Variants in CUX1 observed in about 807,000 individuals in gnomAD.
CUX1 encodes the protein cut like homeobox 1.
A neutral mutation model predicts 158.8 loss-of-function variants in CUX1; 31 were observed. The observed-to-expected ratio is 0.20, with a 90% CI of 0.15 to 0.26. The LOEUF (loss-of-function observed/expected upper bound fraction) is 0.26, where lower values mean the gene tolerates loss of function less well. Ranked by LOEUF, CUX1 falls within the 10% of genes least tolerant of loss-of-function variation. CUX1 has a pLI of 1.00. For synonymous variants in CUX1, 879 were observed against 862.1 expected (o/e 1.02, Z -0.34); for missense variants, 1,589 against 2,014.6 (o/e 0.79, Z 4.04).
intron 2 of CUX1, among the ~76,000 whole-genome samples, chr7:102,007,640 G>A (rs187002242): frequency 2.7e-4 from 41 of 151,282 alleles, no homozygotes; most frequent in African/African-American, 9.0e-4. Flanking sequence ...TCCTGTTCCC[G>A]TCAGTCTGCT....
chr7:102,074,962 G>A (rs1202787744), intron 4 of CUX1, among the ~76,000 whole-genome samples: 4 of 152,304 alleles, frequency 2.6e-5, no homozygotes, highest in South Asian at 2.1e-4. Flanking sequence ...GGGTTCAAGC[G>A]ATTCTCGTGC....
At position 102,248,402 on chromosome 7, in the gene CUX1, TGTC is replaced by T. The variant is rs1563485854; in HGVS notation, c.3888-9_3888-7del. 6.3e-7 allele frequency: 1 copy of T among 1,585,902 alleles called. No homozygotes were observed. The highest frequency in any genetic ancestry group is 1.7e-5 in the Admixed American group (1 of 58,434). ...CCCCCCTCACGTCCCCGCCGCTTGT[TGTC>T]TTGTAGGTCTCGGATCCGCAGAGAA... On this transcript the variant is annotated splice_region_variant and splice_polypyrimidine_tract_variant and intron_variant, in intron 23 of 23. Coordinates refer to ENST00000292535, the MANE Select transcript of CUX1 (RefSeq NM_181552.4). This position sits in a 1 kb window ranked among gnomAD's most constrained non-coding sequence, Gnocchi z 5.8.
chr7:101,837,473 C>T (rs1371516636), intron 1 of CUX1, among the ~76,000 whole-genome samples: 1 of 152,076 alleles, frequency 6.6e-6, no homozygotes, highest in African/African-American at 2.4e-5. Context: ...TCAATTTCAA[C>T]TCAGTTCACT....
intron 8 of CUX1, among the ~76,000 whole-genome samples, chr7:102,149,940 T>C (rs1247670096): frequency 2.0e-5 from 3 of 152,154 alleles, no homozygotes; most frequent in Admixed American, 1.3e-4. Flanking sequence ...TCACCTGCAG[T>C]GTAGGTTGTG....
chr7:101,905,992 T>A (rs1462086256), intron 1 of CUX1, among the ~76,000 whole-genome samples: 1 of 149,860 alleles, frequency 6.7e-6, no homozygotes, highest in South Asian at 2.1e-4. Context: ...CCAGCTAACT[T>A]TTTTTTTTTT....
At chr7:102,141,933 G>T (rs544661587) in intron 8 of CUX1, among the ~76,000 whole-genome samples, 3 of 151,592 alleles carry the variant, frequency 2.0e-5, no homozygotes, top group African/African-American at 7.3e-5. Flanking sequence ...GAGCCACCAT[G>T]CCTGGTCCCA....
intron 20 of CUX1, among the ~76,000 whole-genome samples, chr7:102,222,491 G>A (rs1311076378): frequency 2.0e-5 from 3 of 152,030 alleles, no homozygotes; most frequent in Non-Finnish European, 4.4e-5. Context: ...CCACCCCAGG[G>A]ACCATTGGGA....
chr7:102,063,059 G>T (rs148340149), intron 3 of CUX1, among the ~76,000 whole-genome samples: 2 of 151,838 alleles, frequency 1.3e-5, no homozygotes, highest in Admixed American at 6.6e-5. Context: ...AGCCAAGATC[G>T]CACCATTGCA....
intron 2 of CUX1, among the ~76,000 whole-genome samples, chr7:101,988,752 G>A (rs571215759): frequency 3.9e-5 from 6 of 152,204 alleles, no homozygotes; most frequent in African/African-American, 1.4e-4. Context: ...TGTTATCTCA[G>A]CACTTTGGGA....
chr7:102,001,661 T>C (rs1459371089), intron 2 of CUX1, among the ~76,000 whole-genome samples: 1 of 152,188 alleles, frequency 6.6e-6, no homozygotes, highest in Non-Finnish European at 1.5e-5. Context: ...GTGTTTTTAA[T>C]GCTGTATTGC....
rs1317762153 is a variant in CUX1 at position 102,252,376 on chromosome 7, G to A, written c.*3334G>A. On this transcript the variant is annotated 3_prime_UTR_variant, in exon 24 of 24. Coordinates refer to ENST00000292535, the MANE Select transcript of CUX1 (RefSeq NM_181552.4). Reference sequence around the variant, plus strand: ...GCTGGCATTCCAAGCAGTGGCCCCCGCAGGCAGCCGACCCCCTTCCTCTTC... The same window carrying A: ...GCTGGCATTCCAAGCAGTGGCCCCCACAGGCAGCCGACCCCCTTCCTCTTC... The A allele has an allele frequency of 4.1e-6, 4 of 985,102 alleles. No homozygotes were observed. In the East Asian group the frequency reaches 3.4e-4, roughly 84 times the overall value. 61.0% of individuals were successfully genotyped at this position (985,102 alleles called of 1,614,324 possible).
At chr7:101,854,528 T>C (rs1796588429) in intron 1 of CUX1, among the ~76,000 whole-genome samples, 1 of 152,104 alleles carries the variant, frequency 6.6e-6, no homozygotes, top group South Asian at 2.1e-4. Flanking sequence ...GTTCTTAGTG[T>C]TTGGAAGGGA....
intron 4 of CUX1, among the ~76,000 whole-genome samples, chr7:102,077,876 AT>A (rs5886215): frequency 0.23 from 32,989 of 143,704 alleles, 3,912 homozygotes; most frequent in African/African-American, 0.34. Context: ...GATACTTTTC[AT>A]TTTTTTTTTT....
At chr7:101,908,177 G>C (rs183661720) in intron 1 of CUX1, among the ~76,000 whole-genome samples, 1 of 152,184 alleles carries the variant, frequency 6.6e-6, no homozygotes, top group African/African-American at 2.4e-5. Flanking sequence ...ATGCATCTAT[G>C]TGTATCTGTG....
chr7:102,055,995 C>T (rs1391197872), intron 3 of CUX1, among the ~76,000 whole-genome samples: 1 of 152,208 alleles, frequency 6.6e-6, no homozygotes, highest in African/African-American at 2.4e-5. Flanking sequence ...AAGTCTAATT[C>T]TCTTAATTGG....
Position 102,021,201 on chromosome 7 carries a change from C to G in CUX1, c.142-6897C>G, listed in dbSNP as rs192880125. Among the ~76,000 whole-genome samples, 321 of 152,286 alleles carry G rather than the reference C, an allele frequency of 2.1e-3. 2 individuals are homozygous for G. Among genetic ancestry groups the G allele is most frequent in the Non-Finnish European group, 3.3e-3 (227 of 68,032 alleles). ...ACTGTCACTGTACAGGATGGGGTAC[C>G]ACCAAGAGATGTTGTACCTCTTAAA... On this transcript the variant is annotated intron_variant, in intron 2 of 23. Transcript: ENST00000292535.
chr7:102,207,972 G>C (rs897810042), intron 20 of CUX1, among the ~76,000 whole-genome samples: 2 of 152,014 alleles, frequency 1.3e-5, no homozygotes, highest in Admixed American at 1.3e-4. Flanking sequence ...CAGATCACCT[G>C]AACTTAGGAG....
At position 101,937,735 on chromosome 7, in the gene CUX1, A is replaced by T. The variant is rs560411130; in HGVS notation, c.141+21510A>T. ...ATCATGTTGGCCAGGGTGGTCTCGA[A>T]CTCCTGAGCTCAAGTGATCCACCCG... is the stretch of plus-strand genomic sequence containing the variant. On this transcript the variant is annotated intron_variant, in intron 2 of 23. Coordinates refer to ENST00000292535, the MANE Select transcript of CUX1 (RefSeq NM_181552.4). 3.0e-4 allele frequency among the ~76,000 whole-genome samples: 46 copies of T among 152,168 alleles called. 1 individual carries two copies. The East Asian group carries it at 8.7e-3, about 29-fold the overall frequency.
intron 2 of CUX1, among the ~76,000 whole-genome samples, chr7:101,983,602 G>A (rs1030092152): frequency 7.2e-5 from 11 of 152,274 alleles, no homozygotes; most frequent in South Asian, 4.2e-4. Context: ...GAAGCATGAC[G>A]CCAGCATCTG....
Sources: allele counts gnomAD v4.1 joint callset (sites outside exome capture counted in the v4.1 genomes callset), GRCh38; gene constraint gnomAD v4.1.1; non-coding constraint Gnocchi (gnomAD v3.1); transcripts MANE v1.5; gene names NCBI Gene and HGNC (gene_info 2026-07-23, HGNC 2026-07-21).